Variants in SLC28A1 observed in about 807,000 individuals in gnomAD.
SLC28A1 encodes the protein solute carrier family 28 member 1.
SLC28A1 carries 64 observed loss-of-function variants against 74.8 expected under a neutral mutation model. The observed-to-expected ratio is 0.86, with a 90% CI of 0.70 to 1.05. The LOEUF is 1.05. Among genes scored for constraint, SLC28A1 ranks in the 50% least tolerant of loss-of-function variants. The probability of loss-of-function intolerance (pLI) is 0.00; values close to 1 mark genes in which losing one functional copy is unlikely to be tolerated. For missense variants in SLC28A1, 828 were observed against 822.8 expected, an observed-to-expected ratio of 1.01 and a Z score of -0.08; for synonymous variants, 359 against 335.0, an observed-to-expected ratio of 1.07 and a Z score of -0.78.
the SLC28A1 span, among the ~76,000 whole-genome samples, chr15:84,956,468 C>CTTTCCTTCTTTCTTTCT: frequency 3.1e-4 from 21 of 67,126 alleles, no homozygotes; most frequent in African/African-American, 8.9e-4. Context: ...TCTTTCTTTC[C>CTTTCCTTCTTTCTTTCT]TTCTTTCTTT....
At chr15:84,919,393 GTTA>G (rs1969532511) in intron 10 of SLC28A1, among the ~76,000 whole-genome samples, 2 of 152,188 alleles carry the variant, frequency 1.3e-5, no homozygotes, top group African/African-American at 4.8e-5. Flanking sequence ...ACAACCTGTG[GTTA>G]TTATCTTTGT....
rs1966705689 is a variant in SLC28A1, at chr15:84,901,641, T to C, written c.462-2456T>C. Among the ~76,000 whole-genome samples the C allele has an allele frequency of 1.3e-5, 2 of 152,084 alleles. 1 individual carries two copies. The highest frequency in any genetic ancestry group is 4.1e-4 in the South Asian group (2 of 4,834). Reference sequence around the variant, plus strand: ...TCAACATCATTTATCAGTAGAGAAATGCAAGTTAAAAGCAGAAAGAGATAT... The same window carrying C: ...TCAACATCATTTATCAGTAGAGAAACGCAAGTTAAAAGCAGAAAGAGATAT... On this transcript the variant is annotated intron_variant, in intron 6 of 18. Coordinates refer to ENST00000394573, the MANE Select transcript of SLC28A1 (RefSeq NM_004213.5).
intron 12 of SLC28A1, among the ~76,000 whole-genome samples, chr15:84,928,580 T>TTCTCTCTC (rs1567172280): frequency 1.0e-4 from 2 of 19,082 alleles, no homozygotes; most frequent in African/African-American, 3.9e-4. Flanking sequence ...CTTTCTTTCT[T>TTCTCTCTC]TCTTTCTTTC....
intron 9 of SLC28A1, among the ~76,000 whole-genome samples, chr15:84,909,045 T>C (rs58205723): frequency 0.61 from 92,799 of 152,106 alleles, 28,809 homozygotes; most frequent in African/African-American, 0.72. Context: ...TGTTTTTTTT[T>C]TTAGAGATGA....
chr15:84,902,486 A>AG (rs1258697723), intron 6 of SLC28A1, among the ~76,000 whole-genome samples: 1 of 151,856 alleles, frequency 6.6e-6, no homozygotes, highest in Non-Finnish European at 1.5e-5. Flanking sequence ...TCTCAAAAAA[A>AG]AAAAAATGCA....
intron 5 of SLC28A1, among the ~76,000 whole-genome samples, chr15:84,893,338 C>G (rs894540417): frequency 1.3e-5 from 2 of 152,196 alleles, no homozygotes; most frequent in Non-Finnish European, 2.9e-5. Context: ...CCCTGAACCC[C>G]CATGGCCGGT....
chr15:84,906,512 G>C (rs141730960), intron 8 of SLC28A1, among the ~76,000 whole-genome samples: 22,102 of 64,592 alleles, frequency 0.34, 2,430 homozygotes, highest in South Asian at 0.55. Flanking sequence ...TTGTTTGTTT[G>C]TTTGTTTGTT....
At chr15:84,929,100 T>C (rs1031259743) in intron 12 of SLC28A1, among the ~76,000 whole-genome samples, 1 of 152,364 alleles carries the variant, frequency 6.6e-6, no homozygotes. Context: ...TGAAAAACTT[T>C]TAAGATGTTT....
chr15:84,891,136 G>A (rs934150501), intron 5 of SLC28A1, among the ~76,000 whole-genome samples: 2 of 152,144 alleles, frequency 1.3e-5, no homozygotes, highest in Non-Finnish European at 2.9e-5. Flanking sequence ...TGAAGGTTTT[G>A]AACAGGGAAG....
chr15:84,963,208 C>G, the SLC28A1 span, among the ~76,000 whole-genome samples: 2 of 152,138 alleles, frequency 1.3e-5, no homozygotes, highest in Non-Finnish European at 2.9e-5. Flanking sequence ...ACCACTCCAG[C>G]CTTGCAATCC....
chr15:84,893,540 C>A (rs530255789), intron 5 of SLC28A1, among the ~76,000 whole-genome samples: 1 of 149,384 alleles, frequency 6.7e-6, no homozygotes, highest in South Asian at 2.3e-4. Context: ...CCATTTGGAA[C>A]CTCCCTTCAT....
intron 6 of SLC28A1, among the ~76,000 whole-genome samples, chr15:84,897,763 A>G (rs1966160403): frequency 6.6e-6 from 1 of 152,188 alleles, no homozygotes. Flanking sequence ...GTACCCATTA[A>G]TCAACTACTC....
the SLC28A1 span, among the ~76,000 whole-genome samples, chr15:84,951,405 G>A: frequency 2.0e-5 from 3 of 148,662 alleles, no homozygotes; most frequent in Admixed American, 6.8e-5. Context: ...CAGCTCAGGT[G>A]ACAGAGCGAG....
intron 6 of SLC28A1, 77 bp downstream of exon 6, chr15:84,895,200 G>C: frequency 6.3e-6 from 10 of 1,590,700 alleles, no homozygotes; most frequent in Non-Finnish European, 8.6e-6. Context: ...GTTATGGCCA[G>C]GGCTGGAGGA....
downstream of SLC28A1, among the ~76,000 whole-genome samples, chr15:84,949,565 ATTTT>A (rs11318236): frequency 4.8e-5 from 5 of 103,834 alleles, no homozygotes; most frequent in Admixed American, 1.1e-4. Flanking sequence ...TGCCCGGCTA[ATTTT>A]TTTTTTTTTT....
At chr15:84,972,722 A>G in the SLC28A1 span, among the ~76,000 whole-genome samples, 36 of 152,318 alleles carry the variant, frequency 2.4e-4, no homozygotes, top group Admixed American at 1.4e-3. Flanking sequence ...ACATTCTCCA[A>G]TTTCCACGGA....
chr15:84,960,067 T>G, the SLC28A1 span, among the ~76,000 whole-genome samples: 3 of 152,180 alleles, frequency 2.0e-5, no homozygotes, highest in South Asian at 6.2e-4. Flanking sequence ...GAGAAGAATC[T>G]TCCAGTCTCC....
intron 7 of SLC28A1, among the ~76,000 whole-genome samples, chr15:84,904,492 CA>C (rs1212984217): frequency 6.6e-6 from 1 of 152,188 alleles, no homozygotes; most frequent in African/African-American, 2.4e-5. Flanking sequence ...GTCCTCTGGT[CA>C]GTCTAATCCT....
Position 84,943,512 on chromosome 15 carries a change from T to C in SLC28A1, c.1649T>C (p.Met550Thr). The stretch of plus-strand genomic sequence containing the variant: ...GCCAATTTCAGCTCCATTGGGATCA[T>C]GCTGGGAGGCTTGAGTGAGTCTAAT... Reference protein sequence around the residue: ...GFANFSSIGIMLGGLTSMVPQ... With the variant: ...GFANFSSIGITLGGLTSMVPQ... Residue 550 changes from methionine (M) to threonine (T), a missense_variant, in exon 16 of 19, where the codon ATG becomes ACG. By Grantham distance (81) the Met-to-Thr change is moderately conservative. This residue lies in a region of SLC28A1 where 767 missense variants were observed against 753.5 expected (regional missense o/e 1.02). Coordinates refer to ENST00000394573, the MANE Select transcript of SLC28A1 (RefSeq NM_004213.5). 2 of 1,613,854 alleles carry C rather than the reference T, an allele frequency of 1.2e-6. No individual in the cohort carries two copies. The highest frequency in any genetic ancestry group is 1.7e-6 in the Non-Finnish European group (2 of 1,179,706).
Sources: allele counts gnomAD v4.1 joint callset (sites outside exome capture counted in the v4.1 genomes callset), GRCh38; gene constraint gnomAD v4.1.1; regional missense constraint gnomAD v4.1.1; transcripts MANE v1.5; gene names NCBI Gene and HGNC (gene_info 2026-07-23, HGNC 2026-07-21).